Variants in GPR176 observed in about 807,000 individuals in gnomAD.
The protein encoded by GPR176 is G protein-coupled receptor 176.
In GPR176, 26 loss-of-function variants were observed where a neutral mutation model predicts 35.4. The ratio of observed to expected loss-of-function variants is 0.74; its 90% CI spans 0.54 to 1.02. The LOEUF is 1.02. Among genes scored for constraint, GPR176 ranks in the 50% least tolerant of loss-of-function variants. The probability of loss-of-function intolerance (pLI) is 0.00; values close to 1 mark genes in which losing one functional copy is unlikely to be tolerated. For missense variants in GPR176, 597 were observed against 665.3 expected, an observed-to-expected ratio of 0.90 and a Z score of 1.13; for synonymous variants, 278 against 271.3, an observed-to-expected ratio of 1.02 and a Z score of -0.24.
intron 1 of GPR176, among the ~76,000 whole-genome samples, chr15:39,848,752 A>G (rs1282094655): frequency 6.6e-6 from 1 of 152,102 alleles, no homozygotes; most frequent in Non-Finnish European, 1.5e-5. Flanking sequence ...GTCAAAGAAT[A>G]TGTTGAACTT....
intron 1 of GPR176, among the ~76,000 whole-genome samples, chr15:39,912,104 G>T (rs8030654): frequency 0.022 from 3,303 of 152,260 alleles, 106 homozygotes; most frequent in African/African-American, 0.067. Context: ...ACAAGAAAAC[G>T]AGGTTTATGA....
chr15:39,880,256 GTC>G (rs1183354478), intron 1 of GPR176, among the ~76,000 whole-genome samples: 2 of 152,154 alleles, frequency 1.3e-5, no homozygotes, highest in Non-Finnish European at 2.9e-5. Context: ...AGTGGACACT[GTC>G]TGGTCTCTCC....
intron 1 of GPR176, among the ~76,000 whole-genome samples, chr15:39,915,381 T>C (rs1257432827): frequency 6.6e-6 from 1 of 152,178 alleles, no homozygotes; most frequent in South Asian, 2.1e-4. Flanking sequence ...TCTATCCTCA[T>C]GACCTCATCT....
chr15:39,882,655 C>A (rs2032520162), intron 1 of GPR176, among the ~76,000 whole-genome samples: 1 of 152,178 alleles, frequency 6.6e-6, no homozygotes, highest in African/African-American at 2.4e-5. Flanking sequence ...TCTTTATTCA[C>A]CAAAACAGAT....
At chr15:39,802,322 C>T (rs1209806875) in intron 2 of GPR176, 68 bp from the exon 3 acceptor site, 2 of 1,234,322 alleles carry the variant, frequency 1.6e-6, no homozygotes, top group Non-Finnish European at 2.3e-6. Context: ...CCTAAATCAC[C>T]AAAAGTAGAT....
chr15:39,906,590 T>C (rs1431708720), intron 1 of GPR176, among the ~76,000 whole-genome samples: 1 of 152,192 alleles, frequency 6.6e-6, no homozygotes, highest in Non-Finnish European at 1.5e-5. Flanking sequence ...ATGCTGCCTG[T>C]CTTATGTCAT....
chr15:39,847,642 C>T (rs7497108), intron 1 of GPR176, among the ~76,000 whole-genome samples: 2 of 146,926 alleles, frequency 1.4e-5, no homozygotes, highest in Non-Finnish European at 3.0e-5. Context: ...ACTTGGGAGG[C>T]TGAGGCATGA....
At chr15:39,861,541 C>T (rs2031586995) in intron 1 of GPR176, among the ~76,000 whole-genome samples, 1 of 150,042 alleles carries the variant, frequency 6.7e-6, no homozygotes, top group Non-Finnish European at 1.5e-5. Context: ...GAGCGAGACT[C>T]CATCTCAAAA....
At chr15:39,821,157 T>C (rs1900247906) in intron 1 of GPR176, among the ~76,000 whole-genome samples, 1 of 152,230 alleles carries the variant, frequency 6.6e-6, no homozygotes, top group South Asian at 2.1e-4. Flanking sequence ...AACATTGAGT[T>C]ATTTACCATG....
chr15:39,827,993 A>C (rs1234339593), intron 1 of GPR176, among the ~76,000 whole-genome samples: 1 of 152,202 alleles, frequency 6.6e-6, no homozygotes, highest in Non-Finnish European at 1.5e-5. Flanking sequence ...GTCAACATGG[A>C]TTATCTCAAC....
intron 1 of GPR176, among the ~76,000 whole-genome samples, chr15:39,865,047 A>G (rs1407980747): frequency 2.6e-5 from 4 of 152,162 alleles, no homozygotes; most frequent in Non-Finnish European, 5.9e-5. Flanking sequence ...GAAAAAAATA[A>G]TAACAAATGT....
At chr15:39,886,815 A>G (rs536348390) in intron 1 of GPR176, among the ~76,000 whole-genome samples, 2 of 152,346 alleles carry the variant, frequency 1.3e-5, no homozygotes, top group South Asian at 4.1e-4. Context: ...GGTGTCACAT[A>G]ATAGTGATCC....
Position 39,800,718 on chromosome 15 carries a change from A to G in GPR176, c.*414T>C, listed in dbSNP as rs1898794494. ...ATTTTCTCTGGAGCCACCATGCTCC[A>G]TCATGATCTTGGAATTCCCTTAGAG... On this transcript the variant is annotated 3_prime_UTR_variant, in exon 3 of 3. Coordinates refer to ENST00000561100, the MANE Select transcript of GPR176 (RefSeq NM_007223.3). 1 of 166,210 alleles carries G rather than the reference A, an allele frequency of 6.0e-6. No individual in the cohort carries two copies. The highest frequency in any genetic ancestry group is 1.3e-5 in the Non-Finnish European group (1 of 75,658). 10.3% of individuals were successfully genotyped at this position (166,210 alleles called of 1,614,324 possible). A position where few individuals can be genotyped will look rare whatever the true frequency, so the allele number is the denominator to read the frequency against.
At chr15:39,887,185 G>A (rs1164198531) in intron 1 of GPR176, among the ~76,000 whole-genome samples, 1 of 152,152 alleles carries the variant, frequency 6.6e-6, no homozygotes, top group African/African-American at 2.4e-5. Flanking sequence ...TCTGATGCAG[G>A]TAATCCAAAA....
At chr15:39,852,903 A>G (rs1245034990) in intron 1 of GPR176, among the ~76,000 whole-genome samples, 2 of 152,234 alleles carry the variant, frequency 1.3e-5, no homozygotes, top group Non-Finnish European at 2.9e-5. Flanking sequence ...ATTAAAAAAT[A>G]TAAAAACAGA....
At chr15:39,849,093 A>G (rs954122218) in intron 1 of GPR176, among the ~76,000 whole-genome samples, 5 of 152,096 alleles carry the variant, frequency 3.3e-5, no homozygotes, top group Admixed American at 6.6e-5. Context: ...GACAAAGACA[A>G]AGAGAGAGAA....
At chr15:39,833,559 A>T (rs1399014681) in intron 1 of GPR176, among the ~76,000 whole-genome samples, 1 of 152,194 alleles carries the variant, frequency 6.6e-6, no homozygotes, top group African/African-American at 2.4e-5. Context: ...GGAGTTATGA[A>T]AACATCTGAA....
chr15:39,900,846 A>G (rs1182271049), intron 1 of GPR176, among the ~76,000 whole-genome samples: 1 of 152,222 alleles, frequency 6.6e-6, no homozygotes, highest in Non-Finnish European at 1.5e-5. Context: ...TGAATTTTTA[A>G]AAAACTGCCA....
chr15:39,848,225 C>A (rs2030587522), intron 1 of GPR176, among the ~76,000 whole-genome samples: 1 of 152,052 alleles, frequency 6.6e-6, no homozygotes, highest in Admixed American at 6.6e-5. Context: ...TTACCAGATA[C>A]ACAGAGAGGC....
Sources: gnomAD v4.1 joint callset for allele counts (sites outside exome capture counted in the v4.1 genomes callset) on GRCh38, gnomAD v4.1.1 for gene constraint, MANE v1.5 for transcripts, NCBI Gene and HGNC (gene_info 2026-07-23, HGNC 2026-07-21) for gene names.